The following FLT1 variants were observed in gnomAD, a reference collection of about 807,000 sequenced individuals.
FLT1 encodes vascular endothelial growth factor receptor 1.
FLT1 carries 49 observed loss-of-function variants against 156.3 expected under a neutral mutation model. The observed-to-expected ratio is 0.31, with a 90% CI of 0.25 to 0.40. The LOEUF is 0.40. FLT1 is among the 10% of genes least tolerant of loss of function. The probability of loss-of-function intolerance (pLI) is 1.00; values close to 1 mark genes in which losing one functional copy is unlikely to be tolerated. For synonymous variants in FLT1, 594 were observed against 583.8 expected (o/e 1.02, Z -0.25); for missense variants, 1,322 against 1,637.2 (o/e 0.81, Z 3.32).
chr13:28,330,927 G>C (rs376617012), intron 18 of FLT1, among the ~76,000 whole-genome samples: 1 of 152,010 alleles, frequency 6.6e-6, no homozygotes, highest in South Asian at 2.1e-4. Flanking sequence ...CTCCTGACTT[G>C]AGGTGATCCA....
At chr13:28,340,896 A>T (rs1216534043) in intron 16 of FLT1, among the ~76,000 whole-genome samples, 1 of 152,030 alleles carries the variant, frequency 6.6e-6, no homozygotes, top group African/African-American at 2.4e-5. Flanking sequence ...GGGTTAGACT[A>T]TGAGGGCCCG....
chr13:28,313,631 G>C (rs1871091752), intron 25 of FLT1, among the ~76,000 whole-genome samples: 1 of 152,126 alleles, frequency 6.6e-6, no homozygotes, highest in African/African-American at 2.4e-5. Context: ...GCTAAAAGAA[G>C]TCAGACTGGT....
intron 18 of FLT1, among the ~76,000 whole-genome samples, chr13:28,330,667 T>C (rs1871892171): frequency 6.7e-6 from 1 of 149,274 alleles, no homozygotes; most frequent in African/African-American, 2.5e-5. Context: ...TTTCCCCCCT[T>C]TTAATAAATC....
intron 25 of FLT1, among the ~76,000 whole-genome samples, chr13:28,312,628 G>A (rs1156815093): frequency 6.6e-6 from 1 of 152,168 alleles, no homozygotes; most frequent in Non-Finnish European, 1.5e-5. Context: ...AAAGCATGTG[G>A]CATTTCCAAG....
intron 1 of FLT1, among the ~76,000 whole-genome samples, chr13:28,472,422 T>C (rs572775816): frequency 8.5e-5 from 13 of 152,376 alleles, no homozygotes; most frequent in African/African-American, 3.1e-4. Flanking sequence ...CCAGACAGCC[T>C]TGAGGTCACT....
chr13:28,354,085 A>C (rs1872819611), intron 15 of FLT1, among the ~76,000 whole-genome samples: 1 of 152,192 alleles, frequency 6.6e-6, no homozygotes, highest in African/African-American at 2.4e-5. Context: ...TCTAACAGGA[A>C]ATAAAGTCTA....
chr13:28,372,796 C>A (rs981260218), intron 14 of FLT1, among the ~76,000 whole-genome samples: 7 of 151,366 alleles, frequency 4.6e-5, no homozygotes, highest in African/African-American at 1.5e-4. Context: ...GCAGGAGAAT[C>A]GCTTGAACCC....
chr13:28,468,084 A>T (rs685598), intron 1 of FLT1, among the ~76,000 whole-genome samples: 21,268 of 152,188 alleles, frequency 0.14, 2,623 homozygotes, highest in African/African-American at 0.33. Context: ...AATAAAAAGT[A>T]CAGAAATTTT....
rs551985494 is a variant in FLT1, at chr13:28,379,033, G to A, written c.2116+5852C>T. Among the ~76,000 whole-genome samples, 4 of 152,270 alleles carry A rather than the reference G, an allele frequency of 2.6e-5. No individual in the cohort carries two copies. In the South Asian group the frequency reaches 8.3e-4, roughly 32 times the overall value. On this transcript the variant is annotated intron_variant, in intron 14 of 29. Coordinates refer to ENST00000282397, the MANE Select transcript of FLT1 (RefSeq NM_002019.4). ...ATCACTTCCCTGGAAGGTGAGAGAA[G>A]ATCTTTCACGACATCAAGAATTAGT...
chr13:28,458,137 A>G (rs182717503), intron 3 of FLT1, among the ~76,000 whole-genome samples: 1 of 151,988 alleles, frequency 6.6e-6, no homozygotes, highest in East Asian at 1.9e-4. Flanking sequence ...GGGTTTCACC[A>G]TGTCCGTCAG....
At chr13:28,310,302 T>C (rs1305187679) in intron 27 of FLT1, among the ~76,000 whole-genome samples, 1 of 152,124 alleles carries the variant, frequency 6.6e-6, no homozygotes, top group Admixed American at 6.5e-5. Flanking sequence ...TAGAGGCCCA[T>C]AGTACAGTCT....
At chr13:28,313,231 G>T (rs982392355) in intron 25 of FLT1, among the ~76,000 whole-genome samples, 3 of 151,934 alleles carry the variant, frequency 2.0e-5, no homozygotes, top group African/African-American at 7.3e-5. Flanking sequence ...CACCAGCCTC[G>T]GCCTCCCAAA....
intron 14 of FLT1, 77 bp downstream of exon 14, chr13:28,384,808 G>T: frequency 1.5e-6 from 2 of 1,376,302 alleles, no homozygotes; most frequent in South Asian, 1.2e-5. Flanking sequence ...ACTGGAAGCA[G>T]GTGACGGGAC....
chr13:28,345,355 G>T, intron 16 of FLT1, 90 bp downstream of exon 16: 1 of 764,320 alleles, frequency 1.3e-6, no homozygotes, highest in Non-Finnish European at 2.3e-6. Context: ...AAGAAAGAGG[G>T]TCCAACATTT....
At position 28,306,844 on chromosome 13, in the gene FLT1, T is replaced by C; in HGVS notation, c.3721-72A>G. 5.3e-6 allele frequency: 5 copies of C among 945,980 alleles called. No homozygotes were observed. The South Asian group carries it at 6.5e-5, about 12-fold the overall frequency. The allele number at this position is 945,980 out of a possible 1,614,324, so 58.6% of individuals were successfully genotyped here. A position where few individuals can be genotyped will look rare whatever the true frequency, so the allele number is the denominator to read the frequency against. On this transcript the variant is annotated intron_variant, in intron 28 of 29. Coordinates refer to ENST00000282397, the MANE Select transcript of FLT1 (RefSeq NM_002019.4). ...GGTCCATGCTGAGCCTGAGGGATGATCCTGGGATACATCTGTTGATCCAGG... is the reference window on the plus strand; with the variant it reads ...GGTCCATGCTGAGCCTGAGGGATGACCCTGGGATACATCTGTTGATCCAGG...
At chr13:28,341,561 T>C (rs1004895727) in intron 16 of FLT1, among the ~76,000 whole-genome samples, 1 of 152,234 alleles carries the variant, frequency 6.6e-6, no homozygotes, top group African/African-American at 2.4e-5. Flanking sequence ...GTCTGGTATG[T>C]AGTAAGCCTC....
rs762267135 is a variant in FLT1 at position 28,350,599 on chromosome 13, G to C, written c.2249-5048C>G. 2.2e-4 allele frequency among the ~76,000 whole-genome samples: 33 copies of C among 152,236 alleles called. 1 individual carries two copies. Among genetic ancestry groups the C allele is most frequent in the Non-Finnish European group, 2.6e-4 (18 of 68,016 alleles). ...GTGTGGCATCAGACTGCATGAATGGGTAGGCAGCAGAGCCAGCCAACTCAG... is the reference window on the plus strand; with the variant it reads ...GTGTGGCATCAGACTGCATGAATGGCTAGGCAGCAGAGCCAGCCAACTCAG... On this transcript the variant is annotated intron_variant, in intron 15 of 29. Transcript: ENST00000282397.
intron 10 of FLT1, among the ~76,000 whole-genome samples, chr13:28,417,601 T>C (rs532953482): frequency 1.3e-5 from 2 of 152,220 alleles, no homozygotes; most frequent in African/African-American, 2.4e-5. Context: ...CTATTTATCT[T>C]TGAGCCACAA....
chr13:28,321,373 C>A, intron 23 of FLT1, 90 bp downstream of exon 23: 8 of 1,472,996 alleles, frequency 5.4e-6, no homozygotes, highest in Non-Finnish European at 6.6e-6. Flanking sequence ...TTTTCAGGGA[C>A]TACAGCTGAG....
Sources: allele counts gnomAD v4.1 joint callset (sites outside exome capture counted in the v4.1 genomes callset), GRCh38; gene constraint gnomAD v4.1.1; transcripts MANE v1.5; gene names NCBI Gene and HGNC (gene_info 2026-07-23, HGNC 2026-07-21).